Variants in NSG2 observed in about 807,000 individuals in gnomAD.
The protein encoded by NSG2 is neuronal vesicle trafficking associated 2, also known as neuronal vesicle trafficking-associated protein 2.
Under a neutral mutation model 16.9 loss-of-function variants are expected in NSG2, and 4 were observed. The observed-to-expected ratio is 0.24, with a 90% confidence interval of 0.12 to 0.54. The LOEUF is 0.54. Among genes scored for constraint, NSG2 ranks in the 20% least tolerant of loss-of-function variants. NSG2 has a pLI of 0.95. For synonymous variants in NSG2, 98 were observed against 88.7 expected (o/e 1.11, Z -0.59); for missense variants, 179 against 221.1 (o/e 0.81, Z 1.21).
chr5:174,080,882 A>C (rs1054107367), intron 3 of NSG2, among the ~76,000 whole-genome samples: 2 of 152,152 alleles, frequency 1.3e-5, no homozygotes, highest in East Asian at 3.9e-4. Context: ...GAGATTTTCT[A>C]TCTAGAAGCA....
intron 1 of NSG2, chr5:174,046,227 A>G (rs1184266360): frequency 3.9e-5 from 6 of 152,816 alleles, no homozygotes; most frequent in East Asian, 3.9e-4. Flanking sequence ...TACAATCCAC[A>G]TATGATGTAA....
chr5:174,051,575 TCATC>T (rs147901835), intron 2 of NSG2, among the ~76,000 whole-genome samples: 11 of 152,012 alleles, frequency 7.2e-5, no homozygotes, highest in African/African-American at 2.4e-4. Flanking sequence ...CATCCATTCA[TCATC>T]CATCCATCCA....
At chr5:174,047,961 AT>A (rs1561659918) in intron 2 of NSG2, among the ~76,000 whole-genome samples, 3 of 152,200 alleles carry the variant, frequency 2.0e-5, no homozygotes. Context: ...GTCTTAACCA[AT>A]TGGCTTCAAC....
chr5:174,075,607 A>G (rs1340916702), intron 3 of NSG2, among the ~76,000 whole-genome samples: 4 of 152,192 alleles, frequency 2.6e-5, no homozygotes, highest in African/African-American at 4.8e-5. Context: ...ACAATTTCCC[A>G]AGAAAGAGAT....
chr5:174,053,750 A>G (rs1197281293), intron 2 of NSG2, among the ~76,000 whole-genome samples: 2 of 152,198 alleles, frequency 1.3e-5, no homozygotes, highest in Non-Finnish European at 2.9e-5. Context: ...ACAATCTTAA[A>G]CAAAATATAC....
chr5:174,084,803 C>T (rs932739696), intron 3 of NSG2, among the ~76,000 whole-genome samples: 3 of 152,202 alleles, frequency 2.0e-5, no homozygotes, highest in Admixed American at 6.5e-5. Flanking sequence ...GCAGGCAGAT[C>T]GGCTGAGGGA....
rs148432334 is a variant in NSG2, at chr5:174,104,260, C to A, written c.246C>A (p.Phe82Leu). ...VTILVSLALA[F>L]LACIVFLVVY... The stretch of plus-strand genomic sequence containing the variant: ...TCCTTGTCAGCCTGGCCCTAGCTTT[C>A]CTTGCGTGCATCGTGTTCCTGGTGG... Residue 82 changes from phenylalanine (F) to leucine (L), a missense_variant, in exon 4 of 5, where the codon TTC becomes TTA. By Grantham distance (22) the Phe-to-Leu change is conservative (BLOSUM62 0). Coordinates refer to ENST00000303177, the MANE Select transcript of NSG2 (RefSeq NM_015980.5). 3.1e-6 allele frequency: 5 copies of A among 1,614,034 alleles called. No individual in the cohort carries two copies. Among genetic ancestry groups the A allele is most frequent in the Non-Finnish European group, 4.2e-6 (5 of 1,180,036 alleles).
At chr5:174,070,437 C>G (rs1760218985) in intron 3 of NSG2, among the ~76,000 whole-genome samples, 1 of 152,204 alleles carries the variant, frequency 6.6e-6, no homozygotes, top group Non-Finnish European at 1.5e-5. Flanking sequence ...ATCCCATTCT[C>G]TCTGCCACAA....
chr5:174,075,727 A>G (rs1471412136), intron 3 of NSG2, among the ~76,000 whole-genome samples: 2 of 152,230 alleles, frequency 1.3e-5, no homozygotes, highest in East Asian at 3.8e-4. Flanking sequence ...CCTGCAATGC[A>G]TGATTATATT....
intron 3 of NSG2, among the ~76,000 whole-genome samples, chr5:174,067,520 C>T (rs1469070141): frequency 6.6e-6 from 1 of 152,258 alleles, no homozygotes; most frequent in Non-Finnish European, 1.5e-5. Context: ...GGTTCAGGGG[C>T]AGCCCTCTGT....
chr5:174,050,280 C>T (rs1759867667), intron 2 of NSG2, among the ~76,000 whole-genome samples: 1 of 152,192 alleles, frequency 6.6e-6, no homozygotes, highest in Non-Finnish European at 1.5e-5. Flanking sequence ...GCTTGTAATA[C>T]TGAAAATCAG....
At chr5:174,047,751 A>AT (rs1416872150) in intron 2 of NSG2, among the ~76,000 whole-genome samples, 2 of 152,152 alleles carry the variant, frequency 1.3e-5, no homozygotes, top group Non-Finnish European at 2.9e-5. Flanking sequence ...CAAAGGTGGG[A>AT]TGGGGGTTAT....
At chr5:174,056,158 G>A (rs1269101603) in intron 2 of NSG2, 3 of 152,240 alleles carry the variant, frequency 2.0e-5, no homozygotes, top group Admixed American at 2.0e-4. Flanking sequence ...TCAAGTGTTA[G>A]GTGGCACTTG....
rs1760107711 is a variant in NSG2 at position 174,064,402 on chromosome 5, G to A, written c.213+87G>A. On this transcript the variant is annotated intron_variant, in intron 3 of 4. Transcript: ENST00000303177. ...ACACCTCGTGCTTGGAGCAAGTACT[G>A]CTGTGGGTGGGGAAATGATGCAGGC... 7.9e-6 allele frequency: 6 copies of A among 758,872 alleles called. No homozygotes were observed. The East Asian group carries it at 1.6e-4, about 20-fold the overall frequency. The allele number at this position is 758,872 out of a possible 1,614,324, so 47.0% of individuals were successfully genotyped here. A position where few individuals can be genotyped will look rare whatever the true frequency, so the allele number is the denominator to read the frequency against.
intron 3 of NSG2, 113 bp from the exon 4 acceptor site, chr5:174,104,115 G>C: frequency 1.4e-6 from 1 of 725,886 alleles, no homozygotes; most frequent in South Asian, 1.7e-5. Context: ...CCTTGGGCCT[G>C]TCCCCCTTTC....
chr5:174,048,357 C>T (rs1350839384), intron 2 of NSG2, among the ~76,000 whole-genome samples: 9 of 152,140 alleles, frequency 5.9e-5, no homozygotes, highest in African/African-American at 1.9e-4. Flanking sequence ...AATGAAATCT[C>T]CCAGGTGGCT....
chr5:174,047,903 A>G (rs1390702678), intron 2 of NSG2, among the ~76,000 whole-genome samples: 1 of 152,220 alleles, frequency 6.6e-6, no homozygotes, highest in Non-Finnish European at 1.5e-5. Context: ...ACAATGGATC[A>G]TTCCATCTGT....
At chr5:174,080,222 G>C (rs1286858053) in intron 3 of NSG2, among the ~76,000 whole-genome samples, 1 of 151,386 alleles carries the variant, frequency 6.6e-6, no homozygotes, top group African/African-American at 2.4e-5. Flanking sequence ...TTATATCTGT[G>C]TAAATTATTC....
intron 2 of NSG2, among the ~76,000 whole-genome samples, chr5:174,057,988 G>C (rs1759991307): frequency 6.6e-6 from 1 of 152,144 alleles, no homozygotes; most frequent in South Asian, 2.1e-4. Flanking sequence ...GTTGATTTAA[G>C]GGAAATTTTT....
Sources: allele counts gnomAD v4.1 joint callset (sites outside exome capture counted in the v4.1 genomes callset), GRCh38; gene constraint gnomAD v4.1.1; transcripts MANE v1.5; gene names NCBI Gene and HGNC (gene_info 2026-07-23, HGNC 2026-07-21).